EIF4A2: variants seen among roughly 807,000 people sequenced by gnomAD.
EIF4A2 encodes the protein eukaryotic initiation factor 4A-II.
In EIF4A2, 9 loss-of-function variants were observed where a neutral mutation model predicts 50.6. The ratio of observed to expected loss-of-function variants is 0.18; its 90% CI spans 0.11 to 0.31. EIF4A2 has a LOEUF of 0.31. EIF4A2 is among the 10% of genes least tolerant of loss of function. EIF4A2 has a pLI of 1.00. For synonymous variants in EIF4A2, 215 were observed against 164.4 expected (o/e 1.31, Z -2.35); for missense variants, 182 against 501.8 (o/e 0.36, Z 6.09).
rs1203105751 is a variant in EIF4A2, at chr3:186,789,894, TA to T, written c.*628del. ...TGTTAAATAAATTGTATATTCACTT[TA>T]AAGGTGCTTTTGGTCATTTTATTTT... On this transcript the variant is annotated 3_prime_UTR_variant, in exon 11 of 11. Coordinates refer to ENST00000323963, the MANE Select transcript of EIF4A2 (RefSeq NM_001967.4). The T allele has an allele frequency of 3.2e-6, 3 of 929,638 alleles. No individual in the cohort carries two copies. In the African/African-American group the frequency reaches 5.0e-5, roughly 15 times the overall value. The allele number at this position is 929,638 out of a possible 1,614,324, so 57.6% of individuals were successfully genotyped here.
intron 1 of EIF4A2, chr3:186,784,100 G>A: frequency 1.0e-5 from 5 of 477,014 alleles, no homozygotes; most frequent in South Asian, 2.3e-5. Flanking sequence ...CCGGTGAACC[G>A]TTGGCATCGC....
intron 6 of EIF4A2, 72 bp from the exon 7 acceptor site, chr3:186,786,430 G>C: frequency 6.3e-7 from 1 of 1,576,674 alleles, no homozygotes; most frequent in East Asian, 2.2e-5. Flanking sequence ...AGACAGAGAC[G>C]CTTGGCTTCA....
rs1231034234 is a variant in EIF4A2 at position 186,789,871 on chromosome 3, TTAAA to T, written c.*608_*611del. On this transcript the variant is annotated 3_prime_UTR_variant, in exon 11 of 11. Transcript: ENST00000323963. ...CACATGTCTTAATGAAGTTTGAATG[TTAAA>T]TAAATTGTATATTCACTTTAAAGGT... The T allele has an allele frequency of 1.5e-5, 12 of 786,452 alleles. No homozygotes were observed. Among genetic ancestry groups the T allele is most frequent in the South Asian group, 3.4e-5 (2 of 58,188 alleles). 48.7% of individuals were successfully genotyped at this position (786,452 alleles called of 1,614,324 possible). A position where few individuals can be genotyped will look rare whatever the true frequency, so the allele number is the denominator to read the frequency against.
rs752209584 is a variant in EIF4A2 at position 186,787,796 on chromosome 3, G to GT, written c.1000-4dup. The GT allele has an allele frequency of 1.2e-6, 2 of 1,613,806 alleles. No homozygotes were observed. Among genetic ancestry groups the GT allele is most frequent in the East Asian group, 2.2e-5 (1 of 44,884 alleles). ...ATCAATTTTTAAAACATGCCATTGT[G>GT]TTTCAGGCTCGCGGGATTGATGTGC... On this transcript the variant is annotated splice_region_variant and splice_polypyrimidine_tract_variant and intron_variant, in intron 9 of 10. Transcript: ENST00000323963.
At chr3:186,784,337 C>T in intron 1 of EIF4A2, 95 bp from the exon 2 acceptor site, 3 of 1,574,932 alleles carry the variant, frequency 1.9e-6, no homozygotes, top group South Asian at 2.2e-5. Context: ...GCAGGGGAGG[C>T]TAACGTGCTG....
Position 186,785,936 on chromosome 3 carries a change from C to T in EIF4A2, c.402C>T (p.Ala134=), listed in dbSNP as rs745570240. The change falls in exon 5 of 11, where the codon GCC becomes GCT. Residue 134 remains alanine (A), a synonymous_variant. Coordinates refer to ENST00000323963, the MANE Select transcript of EIF4A2 (RefSeq NM_001967.4). ...LGDYMGATCH[A]CIGGTNVRNE... ...ACTATATGGGAGCCACTTGTCATGC[C>T]TGCATTGGTGGAACAAATGTTCGAA... 15 of 1,612,146 alleles carry T rather than the reference C, an allele frequency of 9.3e-6. 1 individual carries two copies. The Admixed American group carries it at 2.5e-4, about 27-fold the overall frequency.
chr3:186,788,528 T>A, intron 10 of EIF4A2: 2 of 917,858 alleles, frequency 2.2e-6, no homozygotes, highest in Non-Finnish European at 2.9e-6. Context: ...TCTTATTAGG[T>A]GGTTTGTATT....
At position 186,789,328 on chromosome 3, in the gene EIF4A2, G is replaced by T. The variant is rs1579171420; in HGVS notation, c.*59G>T. 1 of 1,536,692 alleles carries T rather than the reference G, an allele frequency of 6.5e-7. No individual in the cohort carries two copies. Among genetic ancestry groups the T allele is most frequent in the Non-Finnish European group, 8.8e-7 (1 of 1,140,514 alleles). On this transcript the variant is annotated 3_prime_UTR_variant, in exon 11 of 11. Coordinates refer to ENST00000323963, the MANE Select transcript of EIF4A2 (RefSeq NM_001967.4). ...CTGTTGCTGAATAGGCGATCACAAC[G>T]TGCATTGTGCTTCTTTCTTTGGGAA...
chr3:186,783,779 G>A (rs1191580360), intron 1 of EIF4A2, 140 bp downstream of exon 1: 2 of 1,370,194 alleles, frequency 1.5e-6, no homozygotes, highest in Non-Finnish European at 2.1e-6. Flanking sequence ...CCTTCCAGAA[G>A]CTTCCATGAT....
At chr3:186,788,514 C>A in intron 10 of EIF4A2, 1 of 1,037,044 alleles carries the variant, frequency 9.6e-7, no homozygotes, top group Non-Finnish European at 1.2e-6. Context: ...TATTAGGGAA[C>A]CTTTCTTATT....
At position 186,786,290 on chromosome 3, in the gene EIF4A2, C is replaced by T. The variant is rs1268606795; in HGVS notation, c.627+17C>T. On this transcript the variant is annotated intron_variant, in intron 6 of 10. Coordinates refer to ENST00000323963, the MANE Select transcript of EIF4A2 (RefSeq NM_001967.4). ...AGTATTCAGGTAAGCATTACTTCACCCCCCTCTTAAAGGTAGAGATGGGGT... is the reference window on the plus strand; with the variant it reads ...AGTATTCAGGTAAGCATTACTTCACTCCCCTCTTAAAGGTAGAGATGGGGT... The T allele has an allele frequency of 1.2e-6, 2 of 1,603,784 alleles. No homozygotes were observed. Among genetic ancestry groups the T allele is most frequent in the African/African-American group, 1.3e-5 (1 of 74,676 alleles).
intron 1 of EIF4A2, chr3:186,783,894 C>A (rs998536679): frequency 6.3e-5 from 36 of 570,460 alleles, no homozygotes; most frequent in Non-Finnish European, 9.9e-5. Context: ...GCTTTCCTTC[C>A]CAGTGTAGAG....
intron 9 of EIF4A2, 77 bp from the exon 10 acceptor site, chr3:186,787,726 C>A (rs371752229): frequency 2.5e-6 from 4 of 1,593,194 alleles, no homozygotes; most frequent in Non-Finnish European, 3.4e-6. Context: ...TAGTATAGTT[C>A]GCTACTATTT....
intron 1 of EIF4A2, chr3:186,784,013 A>G: frequency 2.4e-6 from 1 of 418,952 alleles, no homozygotes; most frequent in Middle Eastern, 6.7e-4. Flanking sequence ...GGAGGGTCCT[A>G]GGCTTTACTT....
Position 186,788,398 on chromosome 3 carries a change from CTGTT to C in EIF4A2, c.1079+519_1079+522del, listed in dbSNP as rs1277145600. ...GTGGAATCATAAGCGAAACAGCACA[CTGTT>C]TGAATAAAGAGCGAGTCGGTATTTA... is the stretch of plus-strand genomic sequence containing the variant. On this transcript the variant is annotated intron_variant, in intron 10 of 10. Coordinates refer to ENST00000323963, the MANE Select transcript of EIF4A2 (RefSeq NM_001967.4). The C allele has an allele frequency of 9.4e-6, 12 of 1,280,718 alleles. No individual in the cohort carries two copies. In the Admixed American group the frequency reaches 1.7e-4, roughly 18 times the overall value. The allele number at this position is 1,280,718 out of a possible 1,614,324, so 79.3% of individuals were successfully genotyped here. A position where few individuals can be genotyped will look rare whatever the true frequency, so the allele number is the denominator to read the frequency against.
At chr3:186,789,098 AAC>A in intron 10 of EIF4A2, 25 bp from the exon 11 acceptor site, 1 of 1,608,646 alleles carries the variant, frequency 6.2e-7, no homozygotes, top group Non-Finnish European at 8.5e-7. Flanking sequence ...TGTGAGAAGT[AAC>A]GTTCTGATTC....
chr3:186,788,371 A>ACG, intron 10 of EIF4A2: 1 of 1,289,556 alleles, frequency 7.8e-7, no homozygotes, highest in Admixed American at 2.3e-5. Flanking sequence ...GTAATTTAGG[A>ACG]CGTGGAATCA....
intron 6 of EIF4A2, 96 bp downstream of exon 6, chr3:186,786,369 C>T (rs1353872355): frequency 1.5e-5 from 23 of 1,516,746 alleles, no homozygotes; most frequent in Admixed American, 6.0e-5. Context: ...TTGTCGTTCC[C>T]CCTGCTTAAA....
chr3:186,787,691 A>C, intron 9 of EIF4A2, 107 bp downstream of exon 9: 1 of 1,582,772 alleles, frequency 6.3e-7, no homozygotes, highest in Non-Finnish European at 8.7e-7. Context: ...GTAAAAGACC[A>C]CACTCCACAG....
Sources: gnomAD v4.1 joint callset for allele counts on GRCh38, gnomAD v4.1.1 for gene constraint, MANE v1.5 for transcripts, NCBI Gene and HGNC (gene_info 2026-07-23, HGNC 2026-07-21) for gene names.